The following GLB1 variants were observed in gnomAD, a reference collection of about 807,000 sequenced individuals.
The protein encoded by GLB1 is beta-galactosidase.
A neutral mutation model predicts 74.0 loss-of-function variants in GLB1; 56 were observed. That is an observed-to-expected ratio of 0.76 (90% CI 0.61 to 0.94). The LOEUF is 0.94. Ranked by LOEUF, GLB1 falls within the 40% of genes least tolerant of loss-of-function variation. The pLI is 0.00. For synonymous variants in GLB1, 323 were observed against 323.6 expected, an observed-to-expected ratio of 1.00 and a Z score of 0.02; for missense variants, 787 against 845.5, an observed-to-expected ratio of 0.93 and a Z score of 0.86.
chr3:33,021,423 G>C, intron 12 of GLB1, 143 bp downstream of exon 12: 1 of 925,692 alleles, frequency 1.1e-6, no homozygotes, highest in Non-Finnish European at 1.7e-6. Flanking sequence ...AGAGAGCCTG[G>C]AAATTCATGG....
At chr3:32,994,935 A>AC (rs1425822587), downstream of GLB1, among the ~76,000 whole-genome samples, 1 of 120,496 alleles carries the variant, frequency 8.3e-6, no homozygotes, top group Non-Finnish European at 1.8e-5. Context: ...AAAAAAAAAA[A>AC]AAAAAAAGAT....
intron 10 of GLB1, chr3:33,030,901 A>G: frequency 1.1e-5 from 9 of 833,466 alleles, no homozygotes; most frequent in Non-Finnish European, 1.2e-5. Context: ...CCTCTCAGGA[A>G]TCAGTAGGGA....
chr3:33,011,068 G>A (rs1023832554), intron 15 of GLB1, among the ~76,000 whole-genome samples: 18 of 152,090 alleles, frequency 1.2e-4, no homozygotes, highest in African/African-American at 4.1e-4. Flanking sequence ...TGTTGCCCAG[G>A]CTGGTCTTGA....
intron 2 of GLB1, among the ~76,000 whole-genome samples, chr3:33,070,861 T>C (rs181575416): frequency 3.9e-5 from 6 of 152,202 alleles, no homozygotes; most frequent in Admixed American, 3.3e-4. Flanking sequence ...ATTGTTTTAA[T>C]AAATAAAAAT....
chr3:33,091,871 A>C, intron 1 of GLB1: 4 of 985,390 alleles, frequency 4.1e-6, no homozygotes, highest in African/African-American at 1.7e-5. Context: ...GCTTATCTCC[A>C]TCTCAGGATC....
intron 15 of GLB1, among the ~76,000 whole-genome samples, chr3:33,011,288 A>C (rs1575407568): frequency 1.3e-5 from 2 of 152,056 alleles, no homozygotes; most frequent in South Asian, 4.2e-4. Context: ...TTCACATAAA[A>C]ACTTACATGC....
rs140638907 is a variant in GLB1, at chr3:33,069,516, G to A, written c.246-546C>T. Among the ~76,000 whole-genome samples, 758 of 152,314 alleles carry A rather than the reference G, an allele frequency of 5.0e-3. 4 individuals are homozygous for A. Among genetic ancestry groups the A allele is most frequent in the African/African-American group, 0.016 (681 of 41,564 alleles). ...CCACTGAGGCTTCCTTCATTCTCCAGGGGAGATATTTTGTTTGACTTACTA... is the reference window on the plus strand; with the variant it reads ...CCACTGAGGCTTCCTTCATTCTCCAAGGGAGATATTTTGTTTGACTTACTA... On this transcript the variant is annotated intron_variant, in intron 2 of 15. Transcript: ENST00000307363.
intron 12 of GLB1, among the ~76,000 whole-genome samples, chr3:33,020,561 C>T (rs1376293760): frequency 6.6e-6 from 1 of 152,072 alleles, no homozygotes; most frequent in Non-Finnish European, 1.5e-5. Flanking sequence ...CTACAAACAC[C>T]CCGACCTTTT....
chr3:33,066,000 T>C (rs968321336), intron 4 of GLB1, among the ~76,000 whole-genome samples: 2 of 149,850 alleles, frequency 1.3e-5, no homozygotes, highest in Non-Finnish European at 3.0e-5. Flanking sequence ...TATGATTTAG[T>C]ACAAAGAGAC....
rs144399614 is a variant in GLB1, at chr3:33,090,453, T to A, written c.75+6558A>T. On this transcript the variant is annotated intron_variant, in intron 1 of 15. Transcript: ENST00000307363. ...AGGAATGGCAGCAGGATCAATTTATTGAGATTTTGTGACAGCATCATATAC... is the reference window on the plus strand; with the variant it reads ...AGGAATGGCAGCAGGATCAATTTATAGAGATTTTGTGACAGCATCATATAC... 4.2e-5 allele frequency: 41 copies of A among 985,424 alleles called. No homozygotes were observed. In the East Asian group the frequency reaches 4.5e-3, roughly 109 times the overall value. 61.0% of individuals were successfully genotyped at this position (985,424 alleles called of 1,614,324 possible). A position where few individuals can be genotyped will look rare whatever the true frequency, so the allele number is the denominator to read the frequency against.
intron 10 of GLB1, among the ~76,000 whole-genome samples, chr3:33,043,047 C>T (rs1431138656): frequency 3.9e-5 from 6 of 151,932 alleles, no homozygotes; most frequent in Non-Finnish European, 8.8e-5. Context: ...AAAACTAAAC[C>T]CAGAGAATTA....
chr3:33,074,389 G>GAAAGAGAGAAAGAAAGAAAGAAAGA (rs1559412979), intron 1 of GLB1, among the ~76,000 whole-genome samples: 1 of 38,884 alleles, frequency 2.6e-5, no homozygotes, highest in African/African-American at 1.1e-4. Flanking sequence ...AGGAAGGAAG[G>GAAAGAGAGAAAGAAAGAAAGAAAGA]AAGAAAGAAA....
chr3:33,011,417 C>T (rs1697016358), intron 15 of GLB1, among the ~76,000 whole-genome samples: 1 of 149,424 alleles, frequency 6.7e-6, no homozygotes, highest in Admixed American at 6.7e-5. Flanking sequence ...TCAGCCTGGC[C>T]AACATGATGA....
intron 1 of GLB1, among the ~76,000 whole-genome samples, chr3:33,083,646 T>C (rs929957271): frequency 2.0e-5 from 3 of 152,120 alleles, no homozygotes; most frequent in African/African-American, 7.2e-5. Context: ...AGAAAACTTA[T>C]AAAAAGCAAT....
At chr3:32,995,415 T>C (rs933347594), downstream of GLB1, among the ~76,000 whole-genome samples, 1 of 152,192 alleles carries the variant, frequency 6.6e-6, no homozygotes, top group Non-Finnish European at 1.5e-5. Context: ...TGAGTCCATG[T>C]AGCACCTCCT....
the GLB1 span, among the ~76,000 whole-genome samples, chr3:32,978,767 T>TTC: frequency 1.2e-3 from 173 of 140,338 alleles, 1 homozygote; most frequent in South Asian, 0.024. Flanking sequence ...CTTTCTTTCT[T>TTC]TTTTTTTTTT....
At chr3:33,005,436 T>A (rs1348277723) in intron 15 of GLB1, among the ~76,000 whole-genome samples, 1 of 152,242 alleles carries the variant, frequency 6.6e-6, no homozygotes, top group Non-Finnish European at 1.5e-5. Flanking sequence ...ATGGTTTACA[T>A]ATCTCTTACA....
At chr3:32,965,503 G>A in the GLB1 span, among the ~76,000 whole-genome samples, 7 of 152,004 alleles carry the variant, frequency 4.6e-5, no homozygotes, top group South Asian at 2.1e-4. Context: ...AGAAATTTCC[G>A]AGCAGCAAAG....
At chr3:33,056,021 A>C (rs1205707537) in intron 6 of GLB1, among the ~76,000 whole-genome samples, 1 of 151,148 alleles carries the variant, frequency 6.6e-6, no homozygotes, top group East Asian at 2.0e-4. Context: ...TGAGGTTAGG[A>C]GTTTGAAACC....
Sources: allele counts gnomAD v4.1 joint callset (sites outside exome capture counted in the v4.1 genomes callset), GRCh38; gene constraint gnomAD v4.1.1; transcripts MANE v1.5; gene names NCBI Gene and HGNC (gene_info 2026-07-23, HGNC 2026-07-21).